The following TMEM233 variants were observed in gnomAD, a reference collection of about 807,000 sequenced individuals.
The protein encoded by TMEM233 is dispanin subfamily B member 2.
In TMEM233, 6 loss-of-function variants were observed where a neutral mutation model predicts 11.2. The ratio of observed to expected loss-of-function variants is 0.54; its 90% confidence interval spans 0.29 to 1.06. TMEM233 has a LOEUF of 1.06. TMEM233 is among the 50% of genes least tolerant of loss of function. TMEM233 has a pLI of 0.08. For missense variants in TMEM233, 127 were observed against 144.7 expected (o/e 0.88, Z 0.63); for synonymous variants, 59 against 55.8 (o/e 1.06, Z -0.26).
intron 2 of TMEM233, among the ~76,000 whole-genome samples, chr12:119,637,707 A>G (rs1163415813): frequency 2.0e-5 from 3 of 152,176 alleles, no homozygotes; most frequent in Non-Finnish European, 4.4e-5. Flanking sequence ...GTTGGTTCAG[A>G]TAAGTTCAGG....
downstream of TMEM233, among the ~76,000 whole-genome samples, chr12:119,643,788 T>G (rs1955115964): frequency 6.6e-6 from 1 of 150,844 alleles, no homozygotes; most frequent in Non-Finnish European, 1.5e-5. Context: ...AAAAGGTGTA[T>G]TATCAACCAA....
intron 1 of TMEM233, among the ~76,000 whole-genome samples, chr12:119,626,363 A>G (rs11064854): frequency 0.064 from 9,641 of 151,762 alleles, 410 homozygotes; most frequent in Middle Eastern, 0.13. Flanking sequence ...TCAGCTACTC[A>G]GGAGGCTGAG....
At chr12:119,617,822 A>G (rs1360079183) in intron 1 of TMEM233, among the ~76,000 whole-genome samples, 1 of 152,174 alleles carries the variant, frequency 6.6e-6, no homozygotes, top group African/African-American at 2.4e-5. Context: ...AACAAGAAAG[A>G]AACTCCATCT....
chr12:119,609,366 T>C (rs1371191340), intron 1 of TMEM233, among the ~76,000 whole-genome samples: 1 of 152,096 alleles, frequency 6.6e-6, no homozygotes, highest in Non-Finnish European at 1.5e-5. Flanking sequence ...AGCCCAGCAA[T>C]GCATAGAAAA....
intron 1 of TMEM233, among the ~76,000 whole-genome samples, chr12:119,607,361 G>C (rs1001536363): frequency 6.6e-6 from 1 of 152,220 alleles, no homozygotes; most frequent in South Asian, 2.1e-4. Flanking sequence ...ATCGGTTAGC[G>C]CGCGGTATTT....
chr12:119,615,387 G>A (rs1193719736), intron 1 of TMEM233, among the ~76,000 whole-genome samples: 1 of 152,098 alleles, frequency 6.6e-6, no homozygotes, highest in Non-Finnish European at 1.5e-5. Context: ...ATGAATGGCT[G>A]TCTATCTAGG....
At chr12:119,613,532 G>A (rs1424068029) in intron 1 of TMEM233, among the ~76,000 whole-genome samples, 2 of 152,218 alleles carry the variant, frequency 1.3e-5, no homozygotes, top group South Asian at 2.1e-4. Flanking sequence ...GTCGGGACCT[G>A]GCTGAGTACA....
chr12:119,605,710 T>C (rs1468490733), intron 1 of TMEM233, among the ~76,000 whole-genome samples: 2 of 152,104 alleles, frequency 1.3e-5, no homozygotes, highest in African/African-American at 4.8e-5. Context: ...ATTAGAGGCG[T>C]GAGCCACAAC....
At chr12:119,639,461 G>GAA (rs68174521) in intron 2 of TMEM233, among the ~76,000 whole-genome samples, 2,631 of 146,740 alleles carry the variant, frequency 0.018, 63 homozygotes, top group African/African-American at 0.055. Flanking sequence ...ACTAAAAATA[G>GAA]AAAAAAAAAA....
intron 1 of TMEM233, among the ~76,000 whole-genome samples, chr12:119,615,201 A>C (rs1333310950): frequency 1.8e-5 from 2 of 109,102 alleles, no homozygotes; most frequent in Admixed American, 1.0e-4. Flanking sequence ...AAAAAAAAAA[A>C]AAAAACTGCC....
chr12:119,593,903 G>A lies in TMEM233; in HGVS notation c.55G>A (p.Glu19Lys), dbSNP rs1953968983. ...DFKRALDSSP[E>K]ANTEDDKTEE... ...CAAGAGGGCTTTGGACAGCAGTCCC[G>A]AGGCCAACACTGAAGATGACAAGAC... is the stretch of plus-strand genomic sequence containing the variant. The change falls in exon 1 of 3, where the codon GAG becomes AAG. Residue 19 changes from glutamate to lysine, a missense_variant. Glu to Lys is a moderately conservative substitution (Grantham distance 56). Coordinates refer to ENST00000426426, the MANE Select transcript of TMEM233 (RefSeq NM_001136534.3). The surrounding 1 kb of genome is among the most constrained non-coding windows in gnomAD (Gnocchi z 4.1). 6.4e-7 allele frequency: 1 copy of A among 1,551,606 alleles called. No individual in the cohort carries two copies. The highest frequency in any genetic ancestry group is 2.0e-5 in the Admixed American group (1 of 50,990).
At chr12:119,633,317 T>C (rs1229969040) in intron 2 of TMEM233, among the ~76,000 whole-genome samples, 1 of 152,188 alleles carries the variant, frequency 6.6e-6, no homozygotes, top group African/African-American at 2.4e-5. Flanking sequence ...CAGTGGCTGA[T>C]GCCTATAATC....
chr12:119,633,726 C>A (rs1053720090), intron 2 of TMEM233, among the ~76,000 whole-genome samples: 1 of 152,234 alleles, frequency 6.6e-6, no homozygotes, highest in Non-Finnish European at 1.5e-5. Flanking sequence ...GAAATCAATT[C>A]TCTCTTCCAG....
chr12:119,630,363 A>C (rs1469408411), intron 2 of TMEM233, among the ~76,000 whole-genome samples: 1 of 152,222 alleles, frequency 6.6e-6, no homozygotes, highest in Non-Finnish European at 1.5e-5. Flanking sequence ...CGCTATACAA[A>C]GCTGCACCAT....
intron 1 of TMEM233, among the ~76,000 whole-genome samples, chr12:119,608,533 A>G (rs1954330691): frequency 6.6e-6 from 1 of 152,164 alleles, no homozygotes; most frequent in African/African-American, 2.4e-5. Flanking sequence ...AGACAGAGAA[A>G]GCCTGGGCCT....
intron 1 of TMEM233, among the ~76,000 whole-genome samples, chr12:119,623,553 C>CAA (rs57936432): frequency 0.045 from 6,139 of 135,654 alleles, 171 homozygotes; most frequent in East Asian, 0.086. Context: ...ACCAAAAATA[C>CAA]AAAAAAAAAA....
the TMEM233 span, among the ~76,000 whole-genome samples, chr12:119,649,442 C>T: frequency 6.1e-4 from 93 of 152,232 alleles, no homozygotes; most frequent in Non-Finnish European, 1.2e-3. Context: ...TAGAGTGTTC[C>T]CTAACAATTT....
chr12:119,605,366 C>T (rs1474702811), intron 1 of TMEM233, among the ~76,000 whole-genome samples: 1 of 149,960 alleles, frequency 6.7e-6, no homozygotes, highest in Non-Finnish European at 1.5e-5. Context: ...CCATGACAGT[C>T]CTTACCCCCA....
At chr12:119,607,773 C>T (rs1954313748) in intron 1 of TMEM233, among the ~76,000 whole-genome samples, 1 of 152,078 alleles carries the variant, frequency 6.6e-6, no homozygotes, top group Admixed American at 6.5e-5. Context: ...CATCACCACA[C>T]CCGACTAATC....
Sources: gnomAD v4.1 joint callset for allele counts (sites outside exome capture counted in the v4.1 genomes callset) on GRCh38, gnomAD v4.1.1 for gene constraint, Gnocchi (gnomAD v3.1) non-coding constraint, MANE v1.5 for transcripts, NCBI Gene and HGNC (gene_info 2026-07-23, HGNC 2026-07-21) for gene names.